Variants in SNTG1 observed in about 807,000 individuals in gnomAD.
SNTG1 encodes the protein gamma-1-syntrophin.
In SNTG1, 39 loss-of-function variants were observed where a neutral mutation model predicts 74.7. The ratio of observed to expected loss-of-function variants is 0.52; its 90% CI spans 0.40 to 0.68. The LOEUF is 0.68. SNTG1 is among the 30% of genes least tolerant of loss of function. The probability of loss-of-function intolerance (pLI) is 0.00; values close to 1 mark genes in which losing one functional copy is unlikely to be tolerated. For synonymous variants in SNTG1, 254 were observed against 217.1 expected (o/e 1.17, Z -1.49); for missense variants, 685 against 609.5 (o/e 1.12, Z -1.30).
Position 50,627,162 on chromosome 8 carries a change from C to T in SNTG1, c.850-29747C>T, listed in dbSNP as rs908066428. 2.0e-5 allele frequency among the ~76,000 whole-genome samples: 3 copies of T among 152,244 alleles called. No individual in the cohort carries two copies. In the South Asian group the frequency reaches 6.2e-4, roughly 32 times the overall value. ...CCATTTCCAGGCATGACTGCCATTG[C>T]TCATCTTTGTATTTTAAACTTTCCT... is the stretch of plus-strand genomic sequence containing the variant. On this transcript the variant is annotated intron_variant, in intron 13 of 18. Transcript: ENST00000642720.
chr8:50,350,230 G>A (rs2091612672), intron 2 of SNTG1, among the ~76,000 whole-genome samples: 1 of 152,124 alleles, frequency 6.6e-6, no homozygotes, highest in Non-Finnish European at 1.5e-5. Flanking sequence ...TGCAGCCCGA[G>A]CCTCCCTGAC....
At chr8:50,407,622 A>T (rs566144934) in intron 4 of SNTG1, among the ~76,000 whole-genome samples, 30 of 152,354 alleles carry the variant, frequency 2.0e-4, no homozygotes, top group African/African-American at 7.0e-4. Context: ...GCTCAGGCTG[A>T]AAGAAAGTGT....
At chr8:49,955,390 G>C (rs1003609475) in intron 1 of SNTG1, among the ~76,000 whole-genome samples, 1 of 152,158 alleles carries the variant, frequency 6.6e-6, no homozygotes, top group Non-Finnish European at 1.5e-5. Context: ...AGCTCAGCAC[G>C]CACATTGCCC....
chr8:50,421,022 TAA>T (rs536585946), intron 4 of SNTG1, among the ~76,000 whole-genome samples: 16 of 39,580 alleles, frequency 4.0e-4, no homozygotes, highest in African/African-American at 7.1e-4. Context: ...AGACTCCACT[TAA>T]AAAAAAAAAA....
At chr8:50,505,113 C>A (rs1162238097) in intron 9 of SNTG1, among the ~76,000 whole-genome samples, 1 of 152,100 alleles carries the variant, frequency 6.6e-6, no homozygotes, top group East Asian at 1.9e-4. Context: ...TAGCTTATTT[C>A]ATTTAGCATA....
chr8:50,256,379 AT>A (rs1177503860), intron 2 of SNTG1, among the ~76,000 whole-genome samples: 6 of 151,888 alleles, frequency 4.0e-5, no homozygotes, highest in African/African-American at 1.4e-4. Flanking sequence ...AAATTTTAAC[AT>A]TTTGATTTAA....
At chr8:50,451,350 C>T (rs780430028) in intron 8 of SNTG1, among the ~76,000 whole-genome samples, 1 of 152,098 alleles carries the variant, frequency 6.6e-6, no homozygotes, top group Non-Finnish European at 1.5e-5. Context: ...TGAGCATCCA[C>T]GGGTGTTGGT....
chr8:50,182,119 C>T (rs535546315), intron 2 of SNTG1, among the ~76,000 whole-genome samples: 27 of 152,216 alleles, frequency 1.8e-4, no homozygotes, highest in South Asian at 6.2e-4. Flanking sequence ...AAGATCAATA[C>T]GAAGATCTAT....
intron 2 of SNTG1, among the ~76,000 whole-genome samples, chr8:50,220,221 G>T (rs1487584723): frequency 2.0e-5 from 3 of 151,940 alleles, no homozygotes; most frequent in African/African-American, 7.3e-5. Flanking sequence ...CCATCTTTGG[G>T]GTAATTTCAA....
chr8:50,346,356 C>T (rs1227058938), intron 2 of SNTG1, among the ~76,000 whole-genome samples: 1 of 152,142 alleles, frequency 6.6e-6, no homozygotes, highest in Non-Finnish European at 1.5e-5. Context: ...TCAAGTGCCA[C>T]AAACTGTGCC....
chr8:50,688,532 G>GT (rs2095362966), intron 15 of SNTG1, among the ~76,000 whole-genome samples: 1 of 152,224 alleles, frequency 6.6e-6, no homozygotes, highest in Non-Finnish European at 1.5e-5. Context: ...CCCATTGCTT[G>GT]TTTTTGTCAG....
chr8:50,138,547 C>A (rs1358694273), intron 1 of SNTG1, among the ~76,000 whole-genome samples: 1 of 151,458 alleles, frequency 6.6e-6, no homozygotes, highest in Admixed American at 6.6e-5. Context: ...ATTGCTTGAA[C>A]CTGGGAGGTG....
chr8:50,645,853 T>C (rs898461101), intron 13 of SNTG1, among the ~76,000 whole-genome samples: 3 of 152,104 alleles, frequency 2.0e-5, no homozygotes, highest in African/African-American at 4.8e-5. Context: ...ATTCTCTGTT[T>C]TAGCCTCTCG....
chr8:49,966,315 C>A (rs1811133725), intron 1 of SNTG1, among the ~76,000 whole-genome samples: 1 of 151,884 alleles, frequency 6.6e-6, no homozygotes, highest in Non-Finnish European at 1.5e-5. Context: ...ACAGTCAGTA[C>A]TTTAAGTGTT....
chr8:50,077,338 C>A (rs370869113), intron 1 of SNTG1, among the ~76,000 whole-genome samples: 1 of 152,048 alleles, frequency 6.6e-6, no homozygotes. Context: ...GATCATTTTA[C>A]CCCTTCATAA....
chr8:50,761,361 T>C (rs575546326), intron 18 of SNTG1, among the ~76,000 whole-genome samples: 3 of 151,644 alleles, frequency 2.0e-5, no homozygotes, highest in Non-Finnish European at 2.9e-5. Flanking sequence ...GGGAGGGGAG[T>C]GTTCTACAGC....
chr8:50,148,265 A>C (rs2081940429), intron 1 of SNTG1, among the ~76,000 whole-genome samples: 1 of 152,172 alleles, frequency 6.6e-6, no homozygotes. Context: ...TTGCAGAGGA[A>C]TTCAGAATAA....
chr8:50,252,203 C>A (rs10088162), intron 2 of SNTG1, among the ~76,000 whole-genome samples: 135,997 of 152,066 alleles, frequency 0.89, 62,256 homozygotes, highest in East Asian at 1. Context: ...TAGAAAATAA[C>A]AAAAGCAGTT....
chr8:49,985,728 T>C (rs1030184253), intron 1 of SNTG1, among the ~76,000 whole-genome samples: 1 of 152,208 alleles, frequency 6.6e-6, no homozygotes, highest in Non-Finnish European at 1.5e-5. Flanking sequence ...GGGATGGTTT[T>C]CTTCAGTTAT....
Sources: allele counts gnomAD v4.1 joint callset (sites outside exome capture counted in the v4.1 genomes callset), GRCh38; gene constraint gnomAD v4.1.1; transcripts MANE v1.5; gene names NCBI Gene and HGNC (gene_info 2026-07-23, HGNC 2026-07-21).